LRRC3C: variants seen among roughly 807,000 people sequenced by gnomAD.
LRRC3C encodes leucine rich repeat containing 3C.
In LRRC3C, 11 loss-of-function variants were observed where a neutral mutation model predicts 14.8. That is an observed-to-expected ratio of 0.74 (90% CI 0.47 to 1.23). The LOEUF (loss-of-function observed/expected upper bound fraction) is 1.23. LRRC3C is among the 50% of genes most tolerant of loss of function. LRRC3C has a pLI of 0.00. For missense variants in LRRC3C, 354 were observed against 361.8 expected, an observed-to-expected ratio of 0.98 and a Z score of 0.18; for synonymous variants, 149 against 161.5, an observed-to-expected ratio of 0.92 and a Z score of 0.59.
intron 1 of LRRC3C, among the ~76,000 whole-genome samples, chr17:39,933,544 C>T (rs548759890): frequency 2.0e-4 from 30 of 152,264 alleles, no homozygotes; most frequent in Non-Finnish European, 3.5e-4. Context: ...ACCATCCTGG[C>T]TAACACAGTG....
intron 2 of LRRC3C, among the ~76,000 whole-genome samples, chr17:39,940,497 C>T (rs1480820427): frequency 6.6e-6 from 1 of 152,184 alleles, no homozygotes; most frequent in Non-Finnish European, 1.5e-5. Flanking sequence ...ACTGCAGCCT[C>T]CACTTCCCAG....
intron 1 of LRRC3C, 61 bp downstream of exon 1, chr17:39,927,875 G>C: frequency 1.0e-6 from 1 of 985,460 alleles, no homozygotes; most frequent in Non-Finnish European, 1.2e-6. Flanking sequence ...CCGTGCCCCA[G>C]TTTTGCAGAT....
At chr17:39,938,137 G>GA (rs201516952) in intron 2 of LRRC3C, among the ~76,000 whole-genome samples, 9,968 of 151,296 alleles carry the variant, frequency 0.066, 491 homozygotes, top group South Asian at 0.17. Context: ...GTCTCAACAA[G>GA]AAAAAAAAAT....
rs1338050205 is a variant in LRRC3C, at chr17:39,944,905, G to A, written c.*171G>A. On this transcript the variant is annotated 3_prime_UTR_variant, in exon 4 of 4. Coordinates refer to ENST00000377924, the MANE Select transcript of LRRC3C (RefSeq NM_001195545.2). ...GTGCTGGTTCTCTCTCTCTCTCTCT[G>A]TGTCGTCTTAACCAACACCATCTTT... Among the ~76,000 whole-genome samples, 2 of 148,752 alleles carry A rather than the reference G, an allele frequency of 1.3e-5. No individual in the cohort carries two copies. The highest frequency in any genetic ancestry group is 5.0e-5 in the African/African-American group (2 of 39,820).
intron 1 of LRRC3C, among the ~76,000 whole-genome samples, chr17:39,934,204 TG>T (rs1358642148): frequency 4.6e-5 from 7 of 152,186 alleles, no homozygotes; most frequent in Non-Finnish European, 1.0e-4. Flanking sequence ...AGAACCTCCC[TG>T]GGGAACCAAG....
intron 3 of LRRC3C, 126 bp from the exon 4 acceptor site, chr17:39,943,807 A>G: frequency 2.5e-6 from 2 of 812,932 alleles, no homozygotes; most frequent in Non-Finnish European, 3.8e-6. Context: ...GGCTTGAGAG[A>G]AGCCCCCAGA....
At position 39,944,375 on chromosome 17, in the gene LRRC3C, C is replaced by A. The variant is rs1239603034; in HGVS notation, c.469C>A (p.Leu157Ile). Residue 157 changes from leucine to isoleucine, a missense_variant, in exon 4 of 4, where the codon CTA (leucine) becomes ATA (isoleucine). By Grantham distance (5) the Leu-to-Ile change is conservative. Coordinates refer to ENST00000377924, the MANE Select transcript of LRRC3C (RefSeq NM_001195545.2). ...AFVGLQIQVNLSANPWHCDCA... is the reference protein window; with the variant it reads ...AFVGLQIQVNISANPWHCDCA... Reference sequence around the variant, plus strand: ...TGTGGGGCTACAGATCCAAGTGAACCTATCCGCAAACCCATGGCACTGTGA... The same window carrying A: ...TGTGGGGCTACAGATCCAAGTGAACATATCCGCAAACCCATGGCACTGTGA... The A allele has an allele frequency of 6.5e-7, 1 of 1,529,472 alleles. No homozygotes were observed. The allele number at this position is 1,529,472 out of a possible 1,614,324, so 94.7% of individuals were successfully genotyped here. A position where few individuals can be genotyped will look rare whatever the true frequency, so the allele number is the denominator to read the frequency against.
rs964024465 is a variant in LRRC3C at position 39,944,725 on chromosome 17, A to G, written c.819A>G (p.Thr273=). 2.0e-6 allele frequency: 3 copies of G among 1,535,908 alleles called. No individual in the cohort carries two copies. Among genetic ancestry groups the G allele is most frequent in the Non-Finnish European group, 2.6e-6 (3 of 1,146,834 alleles). ...CCGAGGACTCCTCCATCCTCAGCAC[A>G]GTGGTCTGATGACCCAGGATGCTCC... ...VRSEDSSILS[T]VV Residue 273 remains threonine, a synonymous_variant, in exon 4 of 4, where the codon ACA becomes ACG. Transcript: ENST00000377924.
At chr17:39,938,199 C>A (rs930006909) in intron 2 of LRRC3C, among the ~76,000 whole-genome samples, 4 of 152,164 alleles carry the variant, frequency 2.6e-5, no homozygotes, top group Non-Finnish European at 5.9e-5. Context: ...CAGCAGTTTT[C>A]AAAACTGCCT....
chr17:39,932,380 T>C (rs557967344), intron 1 of LRRC3C, among the ~76,000 whole-genome samples: 14 of 152,278 alleles, frequency 9.2e-5, no homozygotes, highest in African/African-American at 3.1e-4. Flanking sequence ...AGCATCTACT[T>C]TACTAGGTTA....
At chr17:39,930,457 C>T (rs1215524561) in intron 1 of LRRC3C, among the ~76,000 whole-genome samples, 1 of 141,716 alleles carries the variant, frequency 7.1e-6, no homozygotes, top group African/African-American at 2.6e-5. Context: ...CCTGTAACCC[C>T]AGTACTTTGG....
chr17:39,942,266 T>C (rs1978960461), intron 3 of LRRC3C, among the ~76,000 whole-genome samples: 1 of 152,202 alleles, frequency 6.6e-6, no homozygotes, highest in African/African-American at 2.4e-5. Flanking sequence ...TCAGGTGACA[T>C]GCCCAGGTCA....
Position 39,944,099 on chromosome 17 carries a change from T to A in LRRC3C, c.193T>A (p.Cys65Ser). 1 of 1,536,124 alleles carries A rather than the reference T, an allele frequency of 6.5e-7. No homozygotes were observed. ...AKEAGERTFR[C>S]SQAGLSAVPS... ...GGAAGCAGGTGAACGGACGTTCCGC[T>A]GCAGCCAGGCAGGCCTCAGTGCTGT... The change falls in exon 4 of 4, where the codon TGC (cysteine) becomes AGC (serine). Residue 65 changes from cysteine (C) to serine (S), a missense_variant. Physicochemically the swap from Cys to Ser is moderately radical, Grantham distance 112. Transcript: ENST00000377924.
At chr17:39,928,697 A>G (rs367681224) in intron 1 of LRRC3C, among the ~76,000 whole-genome samples, 4 of 152,188 alleles carry the variant, frequency 2.6e-5, no homozygotes, top group African/African-American at 7.2e-5. Flanking sequence ...TGGCATGCCA[A>G]CCTGACTCTG....
chr17:39,933,700 T>C (rs1225273195), intron 1 of LRRC3C, among the ~76,000 whole-genome samples: 3 of 151,782 alleles, frequency 2.0e-5, no homozygotes, highest in South Asian at 2.1e-4. Context: ...GCCACAGCAC[T>C]CCAGCCTGGG....
At position 39,944,545 on chromosome 17, in the gene LRRC3C, G is replaced by A. The variant is rs1326106222; in HGVS notation, c.639G>A (p.Gly213=). 1.3e-6 allele frequency: 2 copies of A among 1,517,134 alleles called. No homozygotes were observed. The highest frequency in any genetic ancestry group is 1.8e-6 in the Non-Finnish European group (2 of 1,136,208). The allele number at this position is 1,517,134 out of a possible 1,614,324, so 94.0% of individuals were successfully genotyped here. ...GGGAGGAAGAGCTGTGTGGGTCGGG[G>A]TGGGGTGGGGCCCGGAGGAGCACCG... ...LAGEEELCGS[G]WGGARRSTDV... Residue 213 remains glycine (G), a synonymous_variant, in exon 4 of 4, where the codon GGG becomes GGA. Coordinates refer to ENST00000377924, the MANE Select transcript of LRRC3C (RefSeq NM_001195545.2).
chr17:39,928,599 G>C (rs903289343), intron 1 of LRRC3C, among the ~76,000 whole-genome samples: 1 of 152,230 alleles, frequency 6.6e-6, no homozygotes, highest in South Asian at 2.1e-4. Flanking sequence ...AAGAGGTCTT[G>C]TCTGGGTAGT....
At chr17:39,939,727 G>A (rs572035822) in intron 2 of LRRC3C, 1 of 152,360 alleles carries the variant, frequency 6.6e-6, no homozygotes, top group Admixed American at 6.5e-5. Context: ...GCAGCCCCTA[G>A]TGGGCAGTGT....
chr17:39,928,895 G>A (rs770289998), intron 1 of LRRC3C, among the ~76,000 whole-genome samples: 10 of 152,198 alleles, frequency 6.6e-5, no homozygotes, highest in Non-Finnish European at 1.5e-4. Flanking sequence ...AGGCAGGTGG[G>A]TATTTGAACC....
Sources: allele counts gnomAD v4.1 joint callset (sites outside exome capture counted in the v4.1 genomes callset), GRCh38; gene constraint gnomAD v4.1.1; transcripts MANE v1.5; gene names NCBI Gene and HGNC (gene_info 2026-07-23, HGNC 2026-07-21).